Variants in TSHZ2 observed in about 807,000 individuals in gnomAD.
The protein encoded by TSHZ2 is teashirt zinc finger homeobox 2, also known as teashirt homolog 2.
A neutral mutation model predicts 74.4 loss-of-function variants in TSHZ2; 21 were observed. The observed-to-expected ratio is 0.28, with a 90% CI of 0.20 to 0.41. The LOEUF (loss-of-function observed/expected upper bound fraction) is 0.41, where lower values mean the gene tolerates loss of function less well. TSHZ2 is among the 10% of genes least tolerant of loss of function. The pLI is 1.00. For synonymous variants in TSHZ2, 540 were observed against 515.3 expected (o/e 1.05, Z -0.65); for missense variants, 1,244 against 1,293.5 (o/e 0.96, Z 0.59).
chr20:52,994,479 T>C (rs1982109287), intron 1 of TSHZ2, among the ~76,000 whole-genome samples: 1 of 152,252 alleles, frequency 6.6e-6, no homozygotes, highest in Middle Eastern at 3.4e-3. Flanking sequence ...GATGAATAAA[T>C]GAATGCATAA....
chr20:53,303,087 T>C lies in TSHZ2; in HGVS notation c.*8+46516T>C, dbSNP rs113280932. ...TTTCAGATGTAGCGCTGCATTTTGA[T>C]TAACCAAGAGGCAGAGCAAGGATTT... On this transcript the variant is annotated intron_variant, in intron 2 of 2. Transcript: ENST00000371497. Among the ~76,000 whole-genome samples the C allele has an allele frequency of 1.1e-3, 169 of 152,350 alleles. 1 individual carries two copies. The highest frequency in any genetic ancestry group is 3.7e-3 in the African/African-American group (154 of 41,580).
intron 1 of TSHZ2, among the ~76,000 whole-genome samples, chr20:52,974,078 C>G (rs1981237186): frequency 6.6e-6 from 1 of 152,154 alleles, no homozygotes; most frequent in African/African-American, 2.4e-5. Context: ...TTACTGCCCC[C>G]TAAAAAAGAT....
chr20:53,376,088 G>A (rs565641043), intron 2 of TSHZ2, among the ~76,000 whole-genome samples: 11 of 152,312 alleles, frequency 7.2e-5, no homozygotes, highest in Non-Finnish European at 8.8e-5. Context: ...AGAAATTGAA[G>A]TTTGGGGAGA....
chr20:52,987,054 C>A (rs1208276434), intron 1 of TSHZ2, among the ~76,000 whole-genome samples: 5 of 152,070 alleles, frequency 3.3e-5, no homozygotes, highest in African/African-American at 4.8e-5. Context: ...GTCAAGAAAC[C>A]CCCAGAAGAT....
At position 53,422,481 on chromosome 20, in the gene TSHZ2, A is replaced by G. The variant is rs555506638; in HGVS notation, c.*9-64663A>G. 1.3e-5 allele frequency among the ~76,000 whole-genome samples: 2 copies of G among 152,190 alleles called. 1 individual carries two copies. The highest frequency in any genetic ancestry group is 2.9e-5 in the Non-Finnish European group (2 of 68,034). The stretch of plus-strand genomic sequence containing the variant: ...CGAAAGGAAAAACTCACAGCAATTT[A>G]TACGTTCTCAACACCTTCTCAAGAA... On this transcript the variant is annotated intron_variant, in intron 2 of 2. Transcript: ENST00000371497.
At chr20:53,097,562 C>G (rs75214203) in intron 1 of TSHZ2, 2 of 152,256 alleles carry the variant, frequency 1.3e-5, no homozygotes, top group East Asian at 3.9e-4. Flanking sequence ...TAAAATGTGT[C>G]TTAATATTTG....
At chr20:52,993,407 G>A (rs948212927) in intron 1 of TSHZ2, among the ~76,000 whole-genome samples, 2 of 152,194 alleles carry the variant, frequency 1.3e-5, no homozygotes, top group Non-Finnish European at 2.9e-5. Flanking sequence ...GTTTTCAAAC[G>A]TGTAACAATG....
At chr20:53,430,270 G>A (rs73620448) in intron 2 of TSHZ2, among the ~76,000 whole-genome samples, 29,096 of 151,230 alleles carry the variant, frequency 0.19, 4,675 homozygotes, top group African/African-American at 0.41. Flanking sequence ...ACACCCAGCT[G>A]ATTTTTGTAT....
intron 2 of TSHZ2, among the ~76,000 whole-genome samples, chr20:53,289,532 T>C (rs552300470): frequency 2.0e-5 from 3 of 152,342 alleles, no homozygotes; most frequent in Admixed American, 1.3e-4. Context: ...TGGAATCTCA[T>C]TGAGGTTTTA....
At chr20:53,393,123 T>G (rs1445369286) in intron 2 of TSHZ2, among the ~76,000 whole-genome samples, 1 of 152,144 alleles carries the variant, frequency 6.6e-6, no homozygotes, top group African/African-American at 2.4e-5. Flanking sequence ...CCACCACACC[T>G]GGCCCAATAG....
At chr20:53,207,176 T>C (rs1600741545) in intron 1 of TSHZ2, among the ~76,000 whole-genome samples, 1 of 152,262 alleles carries the variant, frequency 6.6e-6, no homozygotes, top group East Asian at 1.9e-4. Context: ...CCTGCCCTGT[T>C]TGAAATTCAA....
At chr20:53,081,070 C>T (rs972093711) in intron 1 of TSHZ2, among the ~76,000 whole-genome samples, 2 of 152,212 alleles carry the variant, frequency 1.3e-5, no homozygotes, top group African/African-American at 4.8e-5. Context: ...AGTTAGAGTG[C>T]AGTGGCATGA....
chr20:53,082,538 A>T (rs1323473288), intron 1 of TSHZ2, among the ~76,000 whole-genome samples: 1 of 152,168 alleles, frequency 6.6e-6, no homozygotes, highest in Non-Finnish European at 1.5e-5. Flanking sequence ...ATTTGATGTT[A>T]ATTTTACATT....
intron 2 of TSHZ2, among the ~76,000 whole-genome samples, chr20:53,466,260 TA>T (rs1219023172): frequency 0.016 from 887 of 54,702 alleles, 1 homozygote; most frequent in Middle Eastern, 0.083. Flanking sequence ...AAAATAAAAA[TA>T]AAAAAAAAAA....
chr20:53,390,258 T>C (rs535883677), intron 2 of TSHZ2, among the ~76,000 whole-genome samples: 1 of 152,318 alleles, frequency 6.6e-6, no homozygotes, highest in Admixed American at 6.5e-5. Flanking sequence ...AGAGTCACAT[T>C]TGGAAGCCGT....
chr20:53,031,025 T>C (rs1327061205), intron 1 of TSHZ2, among the ~76,000 whole-genome samples: 5 of 152,310 alleles, frequency 3.3e-5, no homozygotes, highest in African/African-American at 1.2e-4. Context: ...AAAATTTCTT[T>C]CTATTCTAAA....
chr20:53,465,332 G>A (rs1024460572), intron 2 of TSHZ2, among the ~76,000 whole-genome samples: 18 of 152,188 alleles, frequency 1.2e-4, no homozygotes, highest in Non-Finnish European at 1.9e-4. Context: ...GTGCAATGGC[G>A]CGATCTTGGC....
intron 2 of TSHZ2, among the ~76,000 whole-genome samples, chr20:53,296,882 T>C (rs1192511852): frequency 6.6e-6 from 1 of 152,236 alleles, no homozygotes; most frequent in Non-Finnish European, 1.5e-5. Context: ...CATCACAAAA[T>C]GGACTTTGGA....
At chr20:53,109,810 T>G (rs1165891456) in intron 1 of TSHZ2, among the ~76,000 whole-genome samples, 1 of 152,194 alleles carries the variant, frequency 6.6e-6, no homozygotes. Flanking sequence ...TCCCAAGCTC[T>G]GTGATGATGC....
Sources: allele counts gnomAD v4.1 joint callset (sites outside exome capture counted in the v4.1 genomes callset), GRCh38; gene constraint gnomAD v4.1.1; transcripts MANE v1.5; gene names NCBI Gene and HGNC (gene_info 2026-07-23, HGNC 2026-07-21).